The following NLGN4X variants were observed in gnomAD, a reference collection of about 807,000 sequenced individuals.
NLGN4X encodes the protein neuroligin 4 X-linked.
In NLGN4X, 3 loss-of-function variants were observed where a neutral mutation model predicts 40.3. The ratio of observed to expected loss-of-function variants is 0.07; its 90% CI spans 0.03 to 0.19. The LOEUF (loss-of-function observed/expected upper bound fraction) is 0.19, where lower values mean the gene tolerates loss of function less well. Ranked by LOEUF, NLGN4X falls within the 10% of genes least tolerant of loss-of-function variation. The pLI is 1.00. For synonymous variants in NLGN4X, 270 were observed against 306.8 expected, an observed-to-expected ratio of 0.88 and a Z score of 1.25; for missense variants, 382 against 708.3, an observed-to-expected ratio of 0.54 and a Z score of 5.23.
Position 5,927,519 on chromosome X carries a change from T to C in NLGN4X, c.626-18280A>G, listed in dbSNP as rs754608134. ...ATGGATGGTATAAGTGGTTCAATAC[T>C]ATTCTTGCCTAGGTCCTCATAAAAG... On this transcript the variant is annotated intron_variant, in intron 3 of 5. Coordinates refer to ENST00000381095, the MANE Select transcript of NLGN4X (RefSeq NM_181332.3). Among the ~76,000 whole-genome samples, 3 of 112,588 alleles carry C rather than the reference T, an allele frequency of 2.7e-5. No individual in the cohort carries two copies. The Admixed American group carries it at 2.8e-4, about 11-fold the overall frequency.
At chrX:6,071,379 G>A (rs1400758213) in intron 2 of NLGN4X, among the ~76,000 whole-genome samples, 2 of 110,967 alleles carry the variant, frequency 1.8e-5, no homozygotes. Context: ...AGAGTAATAC[G>A]CCCATTTTAG....
chrX:6,112,775 C>G (rs1244758996), intron 2 of NLGN4X, among the ~76,000 whole-genome samples: 1 of 109,420 alleles, frequency 9.1e-6, no homozygotes, highest in Non-Finnish European at 1.9e-5. Flanking sequence ...GTAGGCTGCA[C>G]GTAGTGACCT....
At chrX:6,103,266 C>T (rs1403088348) in intron 2 of NLGN4X, among the ~76,000 whole-genome samples, 2 of 111,850 alleles carry the variant, frequency 1.8e-5, no homozygotes, top group Non-Finnish European at 3.8e-5. Context: ...CGCCCACTCT[C>T]CCAGCCTAGA....
intron 3 of NLGN4X, among the ~76,000 whole-genome samples, chrX:5,923,251 T>A (rs139349913): frequency 8.9e-6 from 1 of 112,460 alleles, no homozygotes; most frequent in East Asian, 2.8e-4. Context: ...GCAATCCTCC[T>A]GACCCAGTGT....
intron 2 of NLGN4X, among the ~76,000 whole-genome samples, chrX:6,087,562 T>A (rs888644079): frequency 8.9e-6 from 1 of 112,034 alleles, no homozygotes; most frequent in African/African-American, 3.2e-5. Flanking sequence ...AATGATCACC[T>A]ATGTACATAT....
intron 2 of NLGN4X, among the ~76,000 whole-genome samples, chrX:6,128,729 C>T (rs760613239): frequency 3.6e-5 from 4 of 112,237 alleles, no homozygotes; most frequent in East Asian, 2.8e-4. Flanking sequence ...ATGTTCGCTA[C>T]CTGGGTAATG....
rs754821052 is a variant in NLGN4X at position 6,126,784 on chromosome X, T to C, written c.472+24211A>G. ...GAAGAATGTTGCAGATTTTGATACATTGATTCCATATTGTATATGAAAGAA... is the reference window on the plus strand; with the variant it reads ...GAAGAATGTTGCAGATTTTGATACACTGATTCCATATTGTATATGAAAGAA... On this transcript the variant is annotated intron_variant, in intron 2 of 5. Coordinates refer to ENST00000381095, the MANE Select transcript of NLGN4X (RefSeq NM_181332.3). Among the ~76,000 whole-genome samples the C allele has an allele frequency of 3.0e-4, 34 of 112,029 alleles. No individual in the cohort carries two copies. In the East Asian group the frequency reaches 6.5e-3, roughly 21 times the overall value.
chrX:6,026,183 T>C (rs1278444268), intron 3 of NLGN4X, among the ~76,000 whole-genome samples: 1 of 110,551 alleles, frequency 9.0e-6, no homozygotes, highest in Admixed American at 9.7e-5. Flanking sequence ...ATTATGGGCA[T>C]GTTTCATCTT....
In NLGN4X at chrX:5,903,814, T is replaced by G. The variant is rs2032035703; in HGVS notation, c.864A>C (p.Ala288=). Residue 288 remains alanine (A), a synonymous_variant, in exon 5 of 6, where the codon GCA becomes GCC. Transcript: ENST00000381095. ...IQSGTALSSW[A]VNYQPAKYTR... ...TGTACTTGGCCGGCTGGTAGTTCAC[T>G]GCCCAGCTGGACAGGGCGGTGCCGC... is the stretch of plus-strand genomic sequence containing the variant. 8.3e-7 allele frequency: 1 copy of G among 1,210,294 alleles called. No individual in the cohort carries two copies. The highest frequency in any genetic ancestry group is 1.7e-5 in the African/African-American group (1 of 57,233).
intron 2 of NLGN4X, among the ~76,000 whole-genome samples, chrX:6,069,763 C>A (rs865849749): frequency 6.2e-4 from 69 of 112,103 alleles, no homozygotes; most frequent in Admixed American, 2.1e-3. Context: ...TAAAAAATGC[C>A]TCAGAAGTGT....
chrX:5,916,642 G>A (rs1171359353), intron 3 of NLGN4X, among the ~76,000 whole-genome samples: 1 of 110,520 alleles, frequency 9.0e-6, no homozygotes, highest in Non-Finnish European at 1.9e-5. Flanking sequence ...TAGAGATGGG[G>A]TTTTGCAATG....
intron 3 of NLGN4X, among the ~76,000 whole-genome samples, chrX:5,962,710 G>A (rs1227152463): frequency 9.0e-6 from 1 of 111,689 alleles, no homozygotes; most frequent in Non-Finnish European, 1.9e-5. Context: ...TTAAGAGGTT[G>A]TTAGATCATG....
At chrX:6,137,070 G>A (rs763492235) in intron 2 of NLGN4X, among the ~76,000 whole-genome samples, 31 of 112,258 alleles carry the variant, frequency 2.8e-4, no homozygotes, top group Non-Finnish European at 5.3e-4. Context: ...AAACAAGAAC[G>A]CATTGTCTCA....
chrX:6,137,069 C>T (rs1467289808), intron 2 of NLGN4X, among the ~76,000 whole-genome samples: 2 of 112,277 alleles, frequency 1.8e-5, no homozygotes, highest in African/African-American at 3.2e-5. Context: ...GAAACAAGAA[C>T]GCATTGTCTC....
intron 2 of NLGN4X, among the ~76,000 whole-genome samples, chrX:6,081,279 C>A (rs1051981510): frequency 8.1e-5 from 9 of 111,393 alleles, no homozygotes; most frequent in Non-Finnish European, 1.5e-4. Flanking sequence ...CAGACTGAGA[C>A]CCTTTCTCAA....
chrX:6,033,135 C>T (rs1401638424), intron 2 of NLGN4X, among the ~76,000 whole-genome samples: 2 of 111,232 alleles, frequency 1.8e-5, no homozygotes, highest in Admixed American at 9.6e-5. Context: ...ATGCTTATGG[C>T]GTATTCAATG....
rs188133006 is a variant in NLGN4X at position 6,209,816 on chromosome X, A to G, written c.-306+18725T>C. Among the ~76,000 whole-genome samples the G allele has an allele frequency of 7.1e-5, 8 of 111,998 alleles. No homozygotes were observed. In the East Asian group the frequency reaches 2.3e-3, roughly 32 times the overall value. On this transcript the variant is annotated intron_variant, in intron 1 of 5. Transcript: ENST00000381095. ...TAAGAATGATAGCCAACTATCTATA[A>G]CTGTATAGATTAGATTAGTTTGGTT...
intron 1 of NLGN4X, among the ~76,000 whole-genome samples, chrX:6,192,917 T>G (rs1023120723): frequency 1.8e-5 from 2 of 111,470 alleles, no homozygotes; most frequent in Non-Finnish European, 3.8e-5. Flanking sequence ...AGGGTTACAA[T>G]GAATGACAGT....
intron 2 of NLGN4X, among the ~76,000 whole-genome samples, chrX:6,104,728 C>G (rs1267178836): frequency 9.0e-6 from 1 of 111,450 alleles, no homozygotes; most frequent in East Asian, 2.8e-4. Flanking sequence ...GATGGGCAGT[C>G]TGGAAAGATC....
Sources: allele counts gnomAD v4.1 joint callset (sites outside exome capture counted in the v4.1 genomes callset), GRCh38; gene constraint gnomAD v4.1.1; transcripts MANE v1.5; gene names NCBI Gene and HGNC (gene_info 2026-07-23, HGNC 2026-07-21).